Variants in ARHGEF3 observed in about 807,000 individuals in gnomAD.
The protein encoded by ARHGEF3 is 59.8 kDA protein.
In ARHGEF3, 28 loss-of-function variants were observed where a neutral mutation model predicts 63.2. That is an observed-to-expected ratio of 0.44 (90% CI 0.33 to 0.61). The LOEUF is 0.61. Ranked by LOEUF, ARHGEF3 falls within the 20% of genes least tolerant of loss-of-function variation. The pLI, the probability that ARHGEF3 is intolerant of heterozygous loss-of-function variation, is 0.03. For missense variants in ARHGEF3, 533 were observed against 659.3 expected, an observed-to-expected ratio of 0.81 and a Z score of 2.10; for synonymous variants, 266 against 254.2, an observed-to-expected ratio of 1.05 and a Z score of -0.44.
At chr3:56,953,863 A>C (rs1264224638) in intron 3 of ARHGEF3, among the ~76,000 whole-genome samples, 1 of 152,196 alleles carries the variant, frequency 6.6e-6, no homozygotes, top group Admixed American at 6.5e-5. Flanking sequence ...ATACACCTGG[A>C]AACAGCTGTG....
intron 3 of ARHGEF3, among the ~76,000 whole-genome samples, chr3:56,920,558 A>G (rs2042098760): frequency 6.6e-6 from 1 of 152,218 alleles, no homozygotes; most frequent in African/African-American, 2.4e-5. Context: ...TCTTCATTAA[A>G]AGTTGGCAAG....
chr3:56,968,205 AAAATATATATTATATATAATATATATAT>A (rs1700714780), intron 2 of ARHGEF3, among the ~76,000 whole-genome samples: 1 of 21,216 alleles, frequency 4.7e-5, no homozygotes, highest in Non-Finnish European at 9.4e-5. Context: ...ATAATATATA[AAAATATATATTATATATAATATATATAT>A]AAATATATAT....
At chr3:56,989,156 G>A (rs1315160995) in intron 2 of ARHGEF3, among the ~76,000 whole-genome samples, 1 of 152,184 alleles carries the variant, frequency 6.6e-6, no homozygotes, top group Non-Finnish European at 1.5e-5. Context: ...TCCGCTGCCG[G>A]GTGGCAAGTC....
intron 2 of ARHGEF3, among the ~76,000 whole-genome samples, chr3:57,012,705 C>T (rs1272632590): frequency 1.3e-5 from 2 of 152,216 alleles, no homozygotes; most frequent in African/African-American, 2.4e-5. Context: ...GATTCTGATG[C>T]CATAGTGAGA....
At chr3:57,017,032 T>TCTCTCACACACA (rs1221332567) in intron 2 of ARHGEF3, among the ~76,000 whole-genome samples, 79 of 104,380 alleles carry the variant, frequency 7.6e-4, no homozygotes, top group African/African-American at 2.6e-3. Flanking sequence ...TCTCTCTCTC[T>TCTCTCACACACA]CACACACACA....
intron 3 of ARHGEF3, among the ~76,000 whole-genome samples, chr3:56,921,191 C>T (rs1258302101): frequency 6.7e-6 from 1 of 149,742 alleles, no homozygotes; most frequent in African/African-American, 2.5e-5. Flanking sequence ...ATGGTGAGAC[C>T]CTATTCTCCA....
At chr3:57,052,722 G>C (rs1579173227) in intron 1 of ARHGEF3, among the ~76,000 whole-genome samples, 1 of 152,108 alleles carries the variant, frequency 6.6e-6, no homozygotes, top group East Asian at 1.9e-4. Context: ...CTTGCATTTA[G>C]ATCTACAGCC....
At chr3:57,039,294 C>T (rs1001082586) in intron 1 of ARHGEF3, among the ~76,000 whole-genome samples, 1 of 152,174 alleles carries the variant, frequency 6.6e-6, no homozygotes, top group African/African-American at 2.4e-5. Context: ...AAAAATTTCC[C>T]AGGAAGCACC....
At chr3:56,870,263 T>G (rs1335834302) in intron 4 of ARHGEF3, among the ~76,000 whole-genome samples, 2 of 152,184 alleles carry the variant, frequency 1.3e-5, no homozygotes, top group African/African-American at 4.8e-5. Context: ...GTGGTACATC[T>G]ATACAATAAA....
Position 56,911,714 on chromosome 3 carries a change from T to C in ARHGEF3, c.130-29360A>G, listed in dbSNP as rs186961007. On this transcript the variant is annotated intron_variant, in intron 3 of 12. Coordinates refer to the ARHGEF3 transcript ENST00000338458. ...TGCAGTCTCCACCTTGCATCGAATA[T>C]GCTGCTTCCTTCCCTCCACAAAATC... Among the ~76,000 whole-genome samples the C allele has an allele frequency of 5.4e-3, 828 of 152,200 alleles. 9 individuals carry two copies. Among genetic ancestry groups the C allele is most frequent in the African/African-American group, 0.019 (794 of 41,514 alleles).
At chr3:56,774,966 C>A (rs1465187479) in intron 1 of ARHGEF3, 1 of 1,429,144 alleles carries the variant, frequency 7.0e-7, no homozygotes. Flanking sequence ...TGATGATAGA[C>A]AAAACATTTT....
chr3:56,916,464 G>C (rs2041994610), intron 3 of ARHGEF3: 1 of 1,417,646 alleles, frequency 7.1e-7, no homozygotes, highest in Non-Finnish European at 9.2e-7. Context: ...CCGCCACTTG[G>C]GCTGCATGAC....
intron 4 of ARHGEF3, among the ~76,000 whole-genome samples, chr3:56,874,970 T>C (rs1008459254): frequency 7.9e-5 from 12 of 152,216 alleles, no homozygotes; most frequent in Non-Finnish European, 7.3e-5. Context: ...AGCATATGAA[T>C]GCTTAATTCA....
chr3:56,781,785 T>A (rs2036579822), intron 1 of ARHGEF3, among the ~76,000 whole-genome samples: 1 of 152,216 alleles, frequency 6.6e-6, no homozygotes, highest in Non-Finnish European at 1.5e-5. Context: ...GTTTACTCAG[T>A]ATGTGCAAAG....
At chr3:57,072,332 G>A (rs922402757) in intron 1 of ARHGEF3, among the ~76,000 whole-genome samples, 1 of 152,080 alleles carries the variant, frequency 6.6e-6, no homozygotes, top group African/African-American at 2.4e-5. Flanking sequence ...GAATGGAAGA[G>A]CCAGGGCAGG....
At chr3:56,912,238 T>A (rs1156496072) in intron 3 of ARHGEF3, among the ~76,000 whole-genome samples, 1 of 152,238 alleles carries the variant, frequency 6.6e-6, no homozygotes, top group African/African-American at 2.4e-5. Context: ...ATCTCTGATT[T>A]GACAAGTGGG....
At chr3:57,058,870 T>A (rs930443670) in intron 1 of ARHGEF3, among the ~76,000 whole-genome samples, 2 of 151,668 alleles carry the variant, frequency 1.3e-5, no homozygotes, top group Non-Finnish European at 2.9e-5. Flanking sequence ...GAAACTATCA[T>A]TCTCAGCAAA....
chr3:56,978,985 A>G (rs1472334354), intron 2 of ARHGEF3, among the ~76,000 whole-genome samples: 2 of 152,138 alleles, frequency 1.3e-5, no homozygotes, highest in African/African-American at 4.8e-5. Flanking sequence ...GTGAGCCCTC[A>G]CCTCTACAAA....
intron 1 of ARHGEF3, among the ~76,000 whole-genome samples, chr3:57,037,876 AAAAACAAAACAAAAC>A (rs10655156): frequency 6.8e-6 from 1 of 146,386 alleles, no homozygotes; most frequent in Admixed American, 6.7e-5. Flanking sequence ...CTCCGTCTCA[AAAAACAAAACAAAAC>A]AAAACAAAAC....
Sources: allele counts gnomAD v4.1 joint callset (sites outside exome capture counted in the v4.1 genomes callset), GRCh38; gene constraint gnomAD v4.1.1; transcripts MANE v1.5; gene names NCBI Gene and HGNC (gene_info 2026-07-23, HGNC 2026-07-21).